Variants in SAMD12 observed in about 807,000 individuals in gnomAD.
The protein encoded by SAMD12 is sterile alpha motif domain-containing protein 12.
Under a neutral mutation model 15.0 loss-of-function variants are expected in SAMD12, and 9 were observed. That is an observed-to-expected ratio of 0.60 (90% CI 0.36 to 1.05). The LOEUF (loss-of-function observed/expected upper bound fraction) is 1.05, where lower values mean the gene tolerates loss of function less well. SAMD12 is among the 50% of genes least tolerant of loss of function. SAMD12 has a pLI of 0.01. For missense variants in SAMD12, 230 were observed against 234.2 expected, an observed-to-expected ratio of 0.98 and a Z score of 0.12; for synonymous variants, 86 against 90.1, an observed-to-expected ratio of 0.96 and a Z score of 0.25.
At chr8:118,151,715 A>G in the SAMD12 span, among the ~76,000 whole-genome samples, 37 of 152,074 alleles carry the variant, frequency 2.4e-4, no homozygotes, top group Admixed American at 1.2e-3. Context: ...CTGTAGTCCC[A>G]GCTACTCAGG....
chr8:118,478,230 T>C (rs1824020821), intron 2 of SAMD12, among the ~76,000 whole-genome samples: 1 of 152,152 alleles, frequency 6.6e-6, no homozygotes, highest in Non-Finnish European at 1.5e-5. Flanking sequence ...CTTAGATAAT[T>C]AGCAAGATGG....
intron 2 of SAMD12, among the ~76,000 whole-genome samples, chr8:118,522,532 A>T (rs1825418968): frequency 6.6e-6 from 1 of 152,202 alleles, no homozygotes; most frequent in South Asian, 2.1e-4. Flanking sequence ...GAAAAACAGA[A>T]AACAATCATT....
intron 2 of SAMD12, among the ~76,000 whole-genome samples, chr8:118,440,657 A>AACACACACACACACACACACAC (rs34419362): frequency 7.0e-6 from 1 of 142,130 alleles, no homozygotes; most frequent in East Asian, 2.1e-4. Context: ...TTATGAGGAA[A>AACACACACACACACACACACAC]ACACACACAC....
chr8:118,347,525 AG>A (rs1396250306), intron 4 of SAMD12, among the ~76,000 whole-genome samples: 1 of 152,234 alleles, frequency 6.6e-6, no homozygotes, highest in Non-Finnish European at 1.5e-5. Flanking sequence ...AGGTGGGAAA[AG>A]TCTGGATACT....
In SAMD12 at chr8:118,408,822, C is replaced by T. The variant is rs148992303; in HGVS notation, c.323-29122G>A. On this transcript the variant is annotated intron_variant, in intron 3 of 3. Coordinates refer to ENST00000314727, the MANE Select transcript of SAMD12 (RefSeq NM_207506.3). ...TCTTCTCTATGTGGCCTTTAGCTCA[C>T]TTTGCCTTAGCTCTCCTACTAAAAA... Among the ~76,000 whole-genome samples the T allele has an allele frequency of 3.8e-3, 572 of 152,288 alleles. 5 individuals are homozygous for T. Among genetic ancestry groups the T allele is most frequent in the African/African-American group, 0.012 (500 of 41,536 alleles).
chr8:118,217,155 C>T (rs1452680620), intron 4 of SAMD12, among the ~76,000 whole-genome samples: 1 of 152,160 alleles, frequency 6.6e-6, no homozygotes, highest in African/African-American at 2.4e-5. Context: ...AGATGCACAC[C>T]ACCACACCCA....
chr8:118,303,406 A>G (rs569924854), intron 4 of SAMD12, among the ~76,000 whole-genome samples: 2 of 152,014 alleles, frequency 1.3e-5, no homozygotes, highest in Non-Finnish European at 2.9e-5. Flanking sequence ...CTGGAATGGA[A>G]TCCTGTGGTG....
chr8:118,200,403 CAAA>C (rs35465667), intron 4 of SAMD12, among the ~76,000 whole-genome samples: 1,772 of 114,164 alleles, frequency 0.016, 47 homozygotes, highest in African/African-American at 0.055. Context: ...ATTAGAGTAC[CAAA>C]AAAAAAAAAA....
At chr8:118,557,361 ACTT>A (rs1319419313) in intron 2 of SAMD12, among the ~76,000 whole-genome samples, 1 of 152,122 alleles carries the variant, frequency 6.6e-6, no homozygotes, top group African/African-American at 2.4e-5. Flanking sequence ...AGTTAATTAA[ACTT>A]CTTTTCTATA....
chr8:118,529,673 A>C (rs956905695), intron 2 of SAMD12, among the ~76,000 whole-genome samples: 1 of 152,128 alleles, frequency 6.6e-6, no homozygotes, highest in African/African-American at 2.4e-5. Flanking sequence ...CAGTTATGTC[A>C]CTTAGACTAT....
intron 4 of SAMD12, among the ~76,000 whole-genome samples, chr8:118,355,089 G>T (rs1018459128): frequency 1.3e-5 from 2 of 152,192 alleles, no homozygotes; most frequent in Admixed American, 6.5e-5. Context: ...ACTTGCACAT[G>T]CATGCTTAGA....
chr8:118,408,104 T>C (rs938587916), intron 3 of SAMD12, among the ~76,000 whole-genome samples: 1 of 152,178 alleles, frequency 6.6e-6, no homozygotes, highest in Non-Finnish European at 1.5e-5. Context: ...CCCAAGTTTA[T>C]ACACTTCCTC....
At position 118,321,008 on chromosome 8, in the gene SAMD12, T is replaced by G. The variant is rs1413975996; in HGVS notation, c.433+58552A>C. On this transcript the variant is annotated intron_variant, in intron 4 of 4. Transcript: ENST00000409003. ...CCTGTGACCTGGTGACAAAGTCACA[T>G]GTATTGCTAAGAATATTGAGTTTTG... 4.1e-5 allele frequency among the ~76,000 whole-genome samples: 6 copies of G among 147,962 alleles called. 1 individual carries two copies. The Admixed American group carries it at 4.1e-4, about 10-fold the overall frequency.
the SAMD12 span, among the ~76,000 whole-genome samples, chr8:118,134,768 T>C: frequency 6.6e-6 from 1 of 152,208 alleles, no homozygotes; most frequent in Non-Finnish European, 1.5e-5. Context: ...TAATCTTCAT[T>C]AGTCTTCCAA....
At chr8:118,136,773 T>G in the SAMD12 span, among the ~76,000 whole-genome samples, 1 of 152,170 alleles carries the variant, frequency 6.6e-6, no homozygotes, top group Non-Finnish European at 1.5e-5. Context: ...ATGTCTGCTG[T>G]AAGAAAATGG....
intron 4 of SAMD12, among the ~76,000 whole-genome samples, chr8:118,218,876 C>T (rs2451125): frequency 0.46 from 70,539 of 151,904 alleles, 19,231 homozygotes; most frequent in Non-Finnish European, 0.62. Context: ...AAGCACTTAC[C>T]GTCTATTTTA....
At chr8:118,347,105 A>G (rs1181504729) in intron 4 of SAMD12, among the ~76,000 whole-genome samples, 3 of 152,030 alleles carry the variant, frequency 2.0e-5, no homozygotes, top group Non-Finnish European at 4.4e-5. Flanking sequence ...TTCTAAAACT[A>G]CTTTGTAGAG....
chr8:118,294,247 G>A (rs997376936), intron 4 of SAMD12, among the ~76,000 whole-genome samples: 9 of 152,180 alleles, frequency 5.9e-5, no homozygotes, highest in African/African-American at 2.2e-4. Flanking sequence ...CTTGCTCAAT[G>A]AGTGCAAATC....
At chr8:118,373,799 T>C (rs575318178), downstream of SAMD12, among the ~76,000 whole-genome samples, 1 of 152,296 alleles carries the variant, frequency 6.6e-6, no homozygotes, top group African/African-American at 2.4e-5. Flanking sequence ...TCATAGTTGC[T>C]GATATATTTT....
Sources: allele counts gnomAD v4.1 joint callset (sites outside exome capture counted in the v4.1 genomes callset), GRCh38; gene constraint gnomAD v4.1.1; transcripts MANE v1.5; gene names NCBI Gene and HGNC (gene_info 2026-07-23, HGNC 2026-07-21).